Variants in UNC13C observed in about 807,000 individuals in gnomAD.
UNC13C encodes the protein unc-13 homolog C, also known as protein unc-13 homolog C.
Under a neutral mutation model 245.4 loss-of-function variants are expected in UNC13C, and 174 were observed. The observed-to-expected ratio is 0.71, with a 90% CI of 0.63 to 0.80. The LOEUF (loss-of-function observed/expected upper bound fraction) is 0.80, where lower values mean the gene tolerates loss of function less well. Ranked by LOEUF, UNC13C falls within the 30% of genes least tolerant of loss-of-function variation. The pLI, the probability that UNC13C is intolerant of heterozygous loss-of-function variation, is 0.00. For missense variants in UNC13C, 2,829 were observed against 2,602.9 expected, an observed-to-expected ratio of 1.09 and a Z score of -1.89; for synonymous variants, 992 against 895.1, an observed-to-expected ratio of 1.11 and a Z score of -1.93.
intron 28 of UNC13C, among the ~76,000 whole-genome samples, chr15:54,552,654 T>TA (rs1566905000): frequency 9.6e-4 from 73 of 76,246 alleles, no homozygotes; most frequent in Non-Finnish European, 1.5e-3. Flanking sequence ...AATTATATAA[T>TA]TATATTATAT....
intron 17 of UNC13C, among the ~76,000 whole-genome samples, chr15:54,359,847 TG>T (rs888617495): frequency 2.9e-4 from 44 of 152,020 alleles, no homozygotes; most frequent in African/African-American, 1.1e-3. Context: ...TATTTATTTT[TG>T]TTCTGTTCTC....
chr15:53,962,950 A>G, the UNC13C span, among the ~76,000 whole-genome samples: 1 of 152,214 alleles, frequency 6.6e-6, no homozygotes, highest in East Asian at 1.9e-4. Flanking sequence ...CAAAGGTGCC[A>G]AGTTATGCCC....
the UNC13C span, among the ~76,000 whole-genome samples, chr15:53,888,531 T>C: frequency 6.6e-6 from 1 of 152,354 alleles, no homozygotes; most frequent in African/African-American, 2.4e-5. Flanking sequence ...TTTCTTTTGC[T>C]GTGCAGAAGG....
intron 24 of UNC13C, among the ~76,000 whole-genome samples, chr15:54,516,493 C>T (rs749134918): frequency 2.0e-5 from 3 of 152,112 alleles, no homozygotes. Flanking sequence ...TTGAGAATTA[C>T]TGCTATATGC....
At chr15:54,286,559 G>A (rs2037155253) in intron 10 of UNC13C, among the ~76,000 whole-genome samples, 1 of 152,142 alleles carries the variant, frequency 6.6e-6, no homozygotes, top group South Asian at 2.1e-4. Flanking sequence ...TCTCTAGGTA[G>A]AGCGATCCAT....
Position 54,115,050 on chromosome 15 carries a change from C to T in UNC13C, c.2984-27968C>T, listed in dbSNP as rs557954949. Among the ~76,000 whole-genome samples the T allele has an allele frequency of 1.1e-3, 162 of 152,070 alleles. 1 individual carries two copies. Among genetic ancestry groups the T allele is most frequent in the Non-Finnish European group, 2.1e-3 (141 of 67,918 alleles). On this transcript the variant is annotated intron_variant, in intron 2 of 32. Transcript: ENST00000260323. ...AGTTCTTTTATTATAGATGCCAATC[C>T]TCCATTTGCTCTATGTTCTGGAAAT...
intron 26 of UNC13C, among the ~76,000 whole-genome samples, chr15:54,533,991 C>A (rs1895878469): frequency 6.6e-6 from 1 of 152,138 alleles, no homozygotes; most frequent in Non-Finnish European, 1.5e-5. Flanking sequence ...ATTGTTGTGG[C>A]AAACTAATAT....
At chr15:53,918,002 C>CG in the UNC13C span, among the ~76,000 whole-genome samples, 29 of 152,180 alleles carry the variant, frequency 1.9e-4, 1 homozygote, top group South Asian at 1.9e-3. Flanking sequence ...GGGCCGGGCA[C>CG]GGGGGGTAGC....
intron 30 of UNC13C, among the ~76,000 whole-genome samples, chr15:54,614,003 C>T (rs951565179): frequency 6.6e-6 from 1 of 151,932 alleles, no homozygotes; most frequent in African/African-American, 2.4e-5. Context: ...GCCCCAGCTA[C>T]TTTAATTAAT....
At chr15:54,204,324 A>G (rs576892716) in intron 4 of UNC13C, among the ~76,000 whole-genome samples, 1 of 142,740 alleles carries the variant, frequency 7.0e-6, no homozygotes, top group African/African-American at 2.5e-5. Context: ...AAAAAAAACC[A>G]AAACCACCTC....
intron 10 of UNC13C, among the ~76,000 whole-genome samples, chr15:54,287,287 A>G (rs1489693767): frequency 6.6e-6 from 1 of 152,204 alleles, no homozygotes; most frequent in Non-Finnish European, 1.5e-5. Flanking sequence ...ATATTTTCAT[A>G]AAAGTCAAGG....
At chr15:54,459,750 G>C (rs760171195) in intron 19 of UNC13C, among the ~76,000 whole-genome samples, 1 of 151,110 alleles carries the variant, frequency 6.6e-6, no homozygotes, top group African/African-American at 2.4e-5. Context: ...AGTTGTGCTC[G>C]TCTTTTCTTT....
intron 2 of UNC13C, among the ~76,000 whole-genome samples, chr15:54,046,999 A>G (rs1411467312): frequency 6.6e-6 from 1 of 152,138 alleles, no homozygotes; most frequent in East Asian, 1.9e-4. Context: ...TTCCATATAT[A>G]CACATAAACG....
At chr15:54,406,202 G>A (rs2040289272) in intron 18 of UNC13C, among the ~76,000 whole-genome samples, 1 of 152,288 alleles carries the variant, frequency 6.6e-6, no homozygotes, top group East Asian at 1.9e-4. Context: ...GGAGAATTGC[G>A]GGGACGTGTA....
At chr15:53,960,339 T>TG in the UNC13C span, among the ~76,000 whole-genome samples, 1 of 151,930 alleles carries the variant, frequency 6.6e-6, no homozygotes. Flanking sequence ...TATCATGTTT[T>TG]TTTTTTTTTT....
intron 16 of UNC13C, among the ~76,000 whole-genome samples, chr15:54,336,788 T>C (rs2038588029): frequency 6.6e-6 from 1 of 152,184 alleles, no homozygotes; most frequent in African/African-American, 2.4e-5. Flanking sequence ...TGACCATATA[T>C]GTATGGGTCT....
At chr15:54,463,330 A>G (rs1042787773) in intron 19 of UNC13C, among the ~76,000 whole-genome samples, 5 of 141,188 alleles carry the variant, frequency 3.5e-5, no homozygotes, top group Admixed American at 1.4e-4. Context: ...CAGCAGTAGC[A>G]ACCCACTGGG....
At chr15:54,403,096 C>T (rs149299458) in intron 18 of UNC13C, among the ~76,000 whole-genome samples, 176 of 152,280 alleles carry the variant, frequency 1.2e-3, no homozygotes, top group African/African-American at 3.9e-3. Flanking sequence ...TGTACCAGGT[C>T]TTGCAGTTCG....
At chr15:53,918,077 G>T in the UNC13C span, among the ~76,000 whole-genome samples, 1 of 152,174 alleles carries the variant, frequency 6.6e-6, no homozygotes, top group Non-Finnish European at 1.5e-5. Context: ...AGAATCTCCT[G>T]CCAGAATTTT....
Sources: gnomAD v4.1 joint callset for allele counts (sites outside exome capture counted in the v4.1 genomes callset) on GRCh38, gnomAD v4.1.1 for gene constraint, MANE v1.5 for transcripts, NCBI Gene and HGNC (gene_info 2026-07-23, HGNC 2026-07-21) for gene names.